Variants in UNC13C observed in about 807,000 individuals in gnomAD.
UNC13C encodes unc-13 homolog C, also known as protein unc-13 homolog C.
A neutral mutation model predicts 245.4 loss-of-function variants in UNC13C; 174 were observed. The ratio of observed to expected loss-of-function variants is 0.71; its 90% confidence interval spans 0.63 to 0.80. UNC13C has a LOEUF of 0.80. Ranked by LOEUF, UNC13C falls within the 30% of genes least tolerant of loss-of-function variation. The probability of loss-of-function intolerance (pLI) is 0.00; values close to 1 mark genes in which losing one functional copy is unlikely to be tolerated. For missense variants in UNC13C, 2,829 were observed against 2,602.9 expected (o/e 1.09, Z -1.89); for synonymous variants, 992 against 895.1 (o/e 1.11, Z -1.93).
At chr15:54,161,776 C>T (rs1170042133) in intron 4 of UNC13C, among the ~76,000 whole-genome samples, 3 of 151,982 alleles carry the variant, frequency 2.0e-5, no homozygotes, top group Non-Finnish European at 2.9e-5. Context: ...CACAGAGAAA[C>T]CCTGTCTCTC....
At chr15:54,491,885 G>C (rs1893727211) in intron 19 of UNC13C, among the ~76,000 whole-genome samples, 1 of 151,588 alleles carries the variant, frequency 6.6e-6, no homozygotes. Flanking sequence ...CAGCTATTCG[G>C]AGAGGCTGAG....
At chr15:54,187,487 T>G (rs893745151) in intron 4 of UNC13C, among the ~76,000 whole-genome samples, 9 of 152,132 alleles carry the variant, frequency 5.9e-5, no homozygotes, top group African/African-American at 2.2e-4. Context: ...CCAGTCACAC[T>G]AGGTTTCAGT....
At chr15:54,189,453 C>T (rs2034106934) in intron 4 of UNC13C, among the ~76,000 whole-genome samples, 1 of 151,978 alleles carries the variant, frequency 6.6e-6, no homozygotes, top group Non-Finnish European at 1.5e-5. Flanking sequence ...TCTTTTATAG[C>T]TATTAGGAAA....
chr15:54,019,109 C>A lies in UNC13C; in HGVS notation c.2983+3223C>A, dbSNP rs533020728. Among the ~76,000 whole-genome samples the A allele has an allele frequency of 7.2e-5, 11 of 152,250 alleles. No homozygotes were observed. In the East Asian group the frequency reaches 2.1e-3, roughly 29 times the overall value. ...TTTCATTCTTTTACTTCTTATAACACCACTATTAATTTTATTTTATTATTA... is the reference window on the plus strand; with the variant it reads ...TTTCATTCTTTTACTTCTTATAACAACACTATTAATTTTATTTTATTATTA... On this transcript the variant is annotated intron_variant, in intron 2 of 32. Transcript: ENST00000260323.
At chr15:54,240,652 C>T (rs1465927546) in intron 7 of UNC13C, among the ~76,000 whole-genome samples, 1 of 152,122 alleles carries the variant, frequency 6.6e-6, no homozygotes, top group East Asian at 1.9e-4. Flanking sequence ...CATCCATCAC[C>T]AACTCCACCT....
intron 11 of UNC13C, among the ~76,000 whole-genome samples, chr15:54,297,278 T>C (rs1243973261): frequency 6.6e-6 from 1 of 152,226 alleles, no homozygotes; most frequent in Non-Finnish European, 1.5e-5. Context: ...TTGGAATATC[T>C]GTAAGACGCT....
chr15:54,018,148 C>G (rs2140999296), intron 2 of UNC13C, among the ~76,000 whole-genome samples: 1 of 152,262 alleles, frequency 6.6e-6, no homozygotes, highest in South Asian at 2.1e-4. Flanking sequence ...TTTCCAGGCC[C>G]CTTTCCTGCT....
intron 30 of UNC13C, among the ~76,000 whole-genome samples, chr15:54,610,772 G>C (rs867253636): frequency 6.6e-6 from 1 of 152,040 alleles, no homozygotes; most frequent in Non-Finnish European, 1.5e-5. Flanking sequence ...GATACTTAGC[G>C]AAGCCTGGAT....
chr15:53,867,494 C>T, the UNC13C span, among the ~76,000 whole-genome samples: 1 of 152,202 alleles, frequency 6.6e-6, no homozygotes, highest in Admixed American at 6.5e-5. Context: ...TTTACAACTT[C>T]TGCAGTTCTT....
At chr15:54,301,128 G>A (rs1024053956) in intron 13 of UNC13C, among the ~76,000 whole-genome samples, 3 of 151,930 alleles carry the variant, frequency 2.0e-5, no homozygotes, top group Non-Finnish European at 4.4e-5. Flanking sequence ...TATATACCAG[G>A]TGTAATTTGT....
chr15:54,499,974 G>T, intron 20 of UNC13C, 105 bp from the exon 21 acceptor site: 1 of 828,598 alleles, frequency 1.2e-6, no homozygotes. Context: ...AATGAAAGGA[G>T]ATTGTTGATT....
At chr15:54,572,350 AT>A (rs1244383828) in intron 30 of UNC13C, among the ~76,000 whole-genome samples, 1 of 151,042 alleles carries the variant, frequency 6.6e-6, no homozygotes, top group Non-Finnish European at 1.5e-5. Flanking sequence ...AAAAATTTGT[AT>A]TTTTTTCCAA....
At chr15:54,434,507 G>A (rs2040939803) in intron 19 of UNC13C, among the ~76,000 whole-genome samples, 1 of 152,054 alleles carries the variant, frequency 6.6e-6, no homozygotes, top group Non-Finnish European at 1.5e-5. Flanking sequence ...TTAATAAATG[G>A]TGTTGGGAAA....
At chr15:53,986,227 T>C (rs1894135401) in intron 1 of UNC13C, among the ~76,000 whole-genome samples, 1 of 152,094 alleles carries the variant, frequency 6.6e-6, no homozygotes, top group South Asian at 2.1e-4. Context: ...GCAAAATATG[T>C]CTTGAAGTCC....
At chr15:54,073,838 C>T (rs1898455113) in intron 2 of UNC13C, among the ~76,000 whole-genome samples, 1 of 152,106 alleles carries the variant, frequency 6.6e-6, no homozygotes, top group South Asian at 2.1e-4. Flanking sequence ...TGCCTGTTAA[C>T]TCTGATGATA....
intron 4 of UNC13C, among the ~76,000 whole-genome samples, chr15:54,194,122 G>A (rs2034276274): frequency 1.3e-5 from 2 of 152,136 alleles, no homozygotes; most frequent in Non-Finnish European, 2.9e-5. Flanking sequence ...TTAGTAGGAA[G>A]CAAGGTTTGC....
At chr15:54,061,988 G>T (rs1897860303) in intron 2 of UNC13C, among the ~76,000 whole-genome samples, 1 of 152,038 alleles carries the variant, frequency 6.6e-6, no homozygotes, top group Non-Finnish European at 1.5e-5. Flanking sequence ...ATGCCAAGAT[G>T]GGGAGTGACT....
intron 4 of UNC13C, among the ~76,000 whole-genome samples, chr15:54,210,766 G>A (rs987757409): frequency 1.3e-5 from 2 of 152,090 alleles, no homozygotes; most frequent in African/African-American, 4.8e-5. Flanking sequence ...AAAGGATTTT[G>A]TTATTCATGG....
intron 2 of UNC13C, among the ~76,000 whole-genome samples, chr15:54,103,334 A>G (rs1900264675): frequency 6.6e-6 from 1 of 152,160 alleles, no homozygotes; most frequent in Non-Finnish European, 1.5e-5. Flanking sequence ...TCCTTACCTT[A>G]TGTTCAGGCC....
Sources: gnomAD v4.1 joint callset for allele counts (sites outside exome capture counted in the v4.1 genomes callset) on GRCh38, gnomAD v4.1.1 for gene constraint, MANE v1.5 for transcripts, NCBI Gene and HGNC (gene_info 2026-07-23, HGNC 2026-07-21) for gene names.